Variants in PDE1A observed in about 807,000 individuals in gnomAD.
The protein encoded by PDE1A is phosphodiesterase 1A, also known as dual specificity calcium/calmodulin-dependent 3',5'-cyclic nucleotide phosphodiesterase 1A.
PDE1A carries 35 observed loss-of-function variants against 61.7 expected under a neutral mutation model. That is an observed-to-expected ratio of 0.57 (90% CI 0.43 to 0.75). The LOEUF is 0.75. Among genes scored for constraint, PDE1A ranks in the 30% least tolerant of loss-of-function variants. The pLI is 0.00. For synonymous variants in PDE1A, 232 were observed against 213.2 expected, an observed-to-expected ratio of 1.09 and a Z score of -0.77; for missense variants, 597 against 630.6, an observed-to-expected ratio of 0.95 and a Z score of 0.57.
the PDE1A span, among the ~76,000 whole-genome samples, chr2:182,628,054 G>GCGCA: frequency 3.4e-4 from 51 of 150,774 alleles, no homozygotes; most frequent in Middle Eastern, 6.9e-3. Flanking sequence ...GTGTATGTGT[G>GCGCA]CACACACACA....
At chr2:182,681,279 T>C in the PDE1A span, among the ~76,000 whole-genome samples, 1 of 151,986 alleles carries the variant, frequency 6.6e-6, no homozygotes, top group African/African-American at 2.4e-5. Context: ...TCACATGTGT[T>C]TCACTGCTGG....
chr2:182,561,103 T>C, the PDE1A span, among the ~76,000 whole-genome samples: 1 of 146,330 alleles, frequency 6.8e-6, no homozygotes, highest in African/African-American at 2.5e-5. Flanking sequence ...GCCATTGCTT[T>C]TGGTGTTTTA....
At chr2:182,609,302 A>T in the PDE1A span, among the ~76,000 whole-genome samples, 60,942 of 152,076 alleles carry the variant, frequency 0.4, 13,652 homozygotes, top group East Asian at 0.58. Context: ...TCTCTGTAAA[A>T]TGGACCAATC....
intron 2 of PDE1A, among the ~76,000 whole-genome samples, chr2:182,519,413 A>G (rs1398750379): frequency 6.6e-6 from 1 of 152,038 alleles, no homozygotes; most frequent in Non-Finnish European, 1.5e-5. Flanking sequence ...GTGGTTGAAT[A>G]TGGAAAAAGA....
the PDE1A span, among the ~76,000 whole-genome samples, chr2:182,565,620 C>T: frequency 6.6e-6 from 1 of 152,036 alleles, no homozygotes; most frequent in Non-Finnish European, 1.5e-5. Context: ...GCCTTCGATA[C>T]ATCTGGTTGA....
chr2:182,555,661 T>C, the PDE1A span, among the ~76,000 whole-genome samples: 1 of 152,122 alleles, frequency 6.6e-6, no homozygotes, highest in African/African-American at 2.4e-5. Flanking sequence ...TTTAAGATAA[T>C]ATTCTTTAAG....
intron 2 of PDE1A, among the ~76,000 whole-genome samples, chr2:182,475,152 T>C (rs530077784): frequency 6.6e-6 from 1 of 152,018 alleles, no homozygotes; most frequent in East Asian, 1.9e-4. Flanking sequence ...AGTAAGAAGT[T>C]AGAGCCTTCC....
the PDE1A span, among the ~76,000 whole-genome samples, chr2:182,601,524 C>T: frequency 6.6e-6 from 1 of 152,154 alleles, no homozygotes. Flanking sequence ...ATCTTCTAGA[C>T]TTGCCATTTG....
chr2:182,674,109 G>A, the PDE1A span, among the ~76,000 whole-genome samples: 1 of 151,246 alleles, frequency 6.6e-6, no homozygotes, highest in African/African-American at 2.4e-5. Flanking sequence ...AATAGAAAAT[G>A]TATAGAATTT....
intron 9 of PDE1A, 53 bp from the exon 10 acceptor site, chr2:182,201,612 G>T (rs1574668154): frequency 7.0e-7 from 1 of 1,436,316 alleles, no homozygotes; most frequent in East Asian, 2.4e-5. Context: ...AACAATTACA[G>T]TCTTTTCTGA....
the PDE1A span, among the ~76,000 whole-genome samples, chr2:182,694,742 TC>T: frequency 6.7e-6 from 1 of 148,164 alleles, no homozygotes; most frequent in Non-Finnish European, 1.5e-5. Flanking sequence ...GGAAGCAGAC[TC>T]CTGAGAAAAT....
chr2:182,444,643 C>A (rs879604902), intron 2 of PDE1A, among the ~76,000 whole-genome samples: 2 of 151,978 alleles, frequency 1.3e-5, no homozygotes, highest in Non-Finnish European at 2.9e-5. Context: ...TTCTCTCTCT[C>A]TTTCTTGCTG....
At chr2:182,250,070 T>A (rs989239741) in intron 2 of PDE1A, among the ~76,000 whole-genome samples, 3 of 152,208 alleles carry the variant, frequency 2.0e-5, no homozygotes, top group African/African-American at 7.2e-5. Context: ...AGTTACTGAT[T>A]GATAAGTTAT....
chr2:182,501,902 G>A (rs1282894008), intron 2 of PDE1A, among the ~76,000 whole-genome samples: 1 of 152,126 alleles, frequency 6.6e-6, no homozygotes, highest in African/African-American at 2.4e-5. Flanking sequence ...GGCAAAATAT[G>A]AACTCTGTAA....
At chr2:182,468,953 A>G (rs1268096717) in intron 2 of PDE1A, among the ~76,000 whole-genome samples, 1 of 151,924 alleles carries the variant, frequency 6.6e-6, no homozygotes, top group East Asian at 1.9e-4. Context: ...TGGGCTGAAA[A>G]TTTTCAGTAA....
chr2:182,704,912 A>T, the PDE1A span, among the ~76,000 whole-genome samples: 1 of 152,234 alleles, frequency 6.6e-6, no homozygotes, highest in Non-Finnish European at 1.5e-5. Flanking sequence ...CAGTCCCTAG[A>T]TCGTACTCTA....
At chr2:182,243,489 C>A (rs1690717163) in intron 2 of PDE1A, among the ~76,000 whole-genome samples, 1 of 152,040 alleles carries the variant, frequency 6.6e-6, no homozygotes, top group Admixed American at 6.6e-5. Flanking sequence ...AGGAAGGAGG[C>A]CAAATGTGGC....
the PDE1A span, among the ~76,000 whole-genome samples, chr2:182,530,211 G>A: frequency 1.4e-5 from 2 of 147,372 alleles, no homozygotes; most frequent in Admixed American, 1.4e-4. Flanking sequence ...TAGCCATCAG[G>A]CAACAAGAGA....
intron 2 of PDE1A, among the ~76,000 whole-genome samples, chr2:182,480,705 G>A (rs1004472676): frequency 6.6e-5 from 10 of 152,004 alleles, no homozygotes; most frequent in African/African-American, 1.9e-4. Context: ...TTTATATAAC[G>A]GACTTGAGCA....
Sources: gnomAD v4.1 joint callset for allele counts (sites outside exome capture counted in the v4.1 genomes callset) on GRCh38, gnomAD v4.1.1 for gene constraint, MANE v1.5 for transcripts, NCBI Gene and HGNC (gene_info 2026-07-23, HGNC 2026-07-21) for gene names.